The following RASL12 variants were observed in gnomAD, a reference collection of about 807,000 sequenced individuals.
The protein encoded by RASL12 is ras-like protein family member 12.
Under a neutral mutation model 22.9 loss-of-function variants are expected in RASL12, and 16 were observed. The ratio of observed to expected loss-of-function variants is 0.70; its 90% CI spans 0.47 to 1.06. The LOEUF (loss-of-function observed/expected upper bound fraction) is 1.06. Among genes scored for constraint, RASL12 ranks in the 50% least tolerant of loss-of-function variants. RASL12 has a pLI of 0.00. For missense variants in RASL12, 306 were observed against 353.1 expected (o/e 0.87, Z 1.07); for synonymous variants, 159 against 152.2 (o/e 1.04, Z -0.33).
upstream of RASL12, chr15:65,068,341 C>G (rs1240259556): frequency 1.0e-6 from 1 of 968,204 alleles, no homozygotes; most frequent in Admixed American, 6.2e-5. This position sits in a 1 kb window ranked among gnomAD's most constrained non-coding sequence, Gnocchi z 4.2. Context: ...AAGCCAGCCC[C>G]GCCTCCTCCT....
At chr15:65,046,027 C>T in the RASL12 span, among the ~76,000 whole-genome samples, 4 of 152,056 alleles carry the variant, frequency 2.6e-5, no homozygotes, top group African/African-American at 9.7e-5. Flanking sequence ...TGGCCGGGTG[C>T]GGTGGCTCAT....
intron 2 of RASL12, among the ~76,000 whole-genome samples, chr15:65,060,765 C>T (rs1346026267): frequency 6.6e-6 from 1 of 152,216 alleles, no homozygotes; most frequent in Non-Finnish European, 1.5e-5. Context: ...GGCACGCCCC[C>T]AACCCTGGCT....
At chr15:65,048,823 A>G (rs1436611397), downstream of RASL12, among the ~76,000 whole-genome samples, 1 of 152,162 alleles carries the variant, frequency 6.6e-6, no homozygotes, top group Non-Finnish European at 1.5e-5. Flanking sequence ...AGCCTGGCCA[A>G]CATGGTGAAA....
In RASL12 at chr15:65,067,825, AC is replaced by A; in HGVS notation, c.10del (p.Val4CysfsTer33). On this transcript the variant is annotated frameshift_variant, in exon 1 of 5. Coordinates refer to ENST00000220062, the MANE Select transcript of RASL12 (RefSeq NM_016563.4). LOFTEE classifies it high-confidence loss of function. Reference sequence around the variant, plus strand: ...GCTGCCCGCGCGGGGTTTTCCAAACACCGAGGACATGGCGACGCCCTGGACG... The same window carrying A: ...GCTGCCCGCGCGGGGTTTTCCAAACACGAGGACATGGCGACGCCCTGGACG... MSS[V>X]FGKPRAGSGP... 4 of 1,562,142 alleles carry A rather than the reference AC, an allele frequency of 2.6e-6. No homozygotes were observed. Among genetic ancestry groups the A allele is most frequent in the Non-Finnish European group, 3.5e-6 (4 of 1,158,226 alleles).
chr15:65,070,040 C>A (rs752619492), upstream of RASL12, among the ~76,000 whole-genome samples: 14 of 152,220 alleles, frequency 9.2e-5, no homozygotes, highest in Non-Finnish European at 1.9e-4. Context: ...CCTTCTGGGT[C>A]TCTGTTCCTC....
Position 65,055,072 on chromosome 15 carries a change from G to C in RASL12, c.628C>G (p.Leu210Val). ...CTGGCCAGCCCATGCCGCGCGGTGAGCGGGGCCTGGTGGGGCAGGGCCCTC... is the reference window on the plus strand; with the variant it reads ...CTGGCCAGCCCATGCCGCGCGGTGACCGGGGCCTGGTGGGGCAGGGCCCTC... ...EERALPHQAP[L>V]TARHGLASCT... is the part of the protein sequence containing the mutation. The change falls in exon 5 of 5, where the codon CTC (leucine) becomes GTC (valine). Residue 210 changes from leucine to valine, a missense_variant. Physicochemically the swap from Leu to Val is conservative, Grantham distance 32 (BLOSUM62 1). Coordinates refer to ENST00000220062, the MANE Select transcript of RASL12 (RefSeq NM_016563.4). The C allele has an allele frequency of 6.2e-7, 1 of 1,612,808 alleles. No homozygotes were observed. Among genetic ancestry groups the C allele is most frequent in the Non-Finnish European group, 8.5e-7 (1 of 1,179,570 alleles).
At chr15:65,074,009 C>T (rs1387349496) in intron 1 of RASL12, among the ~76,000 whole-genome samples, 1 of 152,214 alleles carries the variant, frequency 6.6e-6, no homozygotes, top group East Asian at 1.9e-4. Context: ...GAATTCCCAT[C>T]CCCATCCCAA....
At chr15:65,053,274 T>TTTTA (rs1402149158), downstream of RASL12, 6 of 1,450,594 alleles carry the variant, frequency 4.1e-6, no homozygotes, top group Non-Finnish European at 5.4e-6. Context: ...GCTTTTTTCT[T>TTTTA]TTTCTTTCTT....
intron 3 of RASL12, 140 bp from the exon 4 acceptor site, chr15:65,058,757 G>T (rs1171865782): frequency 1.6e-6 from 1 of 621,414 alleles, no homozygotes; most frequent in Admixed American, 3.6e-5. Context: ...AGGGGCACTT[G>T]AGTGTGGATT....
At chr15:65,065,989 C>T (rs1158534479) in intron 1 of RASL12, among the ~76,000 whole-genome samples, 27 of 149,364 alleles carry the variant, frequency 1.8e-4, no homozygotes, top group Admixed American at 3.4e-4. Flanking sequence ...AAGTAATGTT[C>T]GCTACTGCTT....
intron 4 of RASL12, among the ~76,000 whole-genome samples, chr15:65,055,602 C>A (rs146888617): frequency 4.6e-5 from 7 of 152,322 alleles, no homozygotes; most frequent in Non-Finnish European, 1.0e-4. Flanking sequence ...CTATGCTAGA[C>A]CCTGCCTGTG....
chr15:65,060,332 A>G (rs1387519415), intron 2 of RASL12, among the ~76,000 whole-genome samples: 1 of 152,158 alleles, frequency 6.6e-6, no homozygotes, highest in African/African-American at 2.4e-5. Context: ...ATAACTTTAG[A>G]CTGACATAGA....
downstream of RASL12, chr15:65,049,291 C>T (rs2086616219): frequency 6.7e-6 from 1 of 148,234 alleles, no homozygotes; most frequent in South Asian, 2.1e-4. Flanking sequence ...AAGTTCTTCC[C>T]TTGCAAATAA....
Position 65,067,785 on chromosome 15 carries a change from C to A in RASL12, c.51G>T (p.Ala17=), listed in dbSNP as rs750551997. ...GGATGGCCAGGTTGACCTCGAGGGG[C>A]GCGCTCTGAGGCCCGCTGCCCGCGC... ...KPRAGSGPQS[A]PLEVNLAILG... is the part of the protein sequence containing the mutation. Residue 17 remains alanine (A), a synonymous_variant, in exon 1 of 5, where the codon GCG becomes GCT. Transcript: ENST00000220062. 1.3e-6 allele frequency: 2 copies of A among 1,581,612 alleles called. No homozygotes were observed. Among genetic ancestry groups the A allele is most frequent in the African/African-American group, 1.4e-5 (1 of 72,242 alleles).
chr15:65,075,346 C>A (rs570125588), intron 1 of RASL12, among the ~76,000 whole-genome samples: 43 of 152,340 alleles, frequency 2.8e-4, no homozygotes, highest in South Asian at 1.0e-3. Flanking sequence ...GCCTCCCCGA[C>A]GAGCACTACC....
At chr15:65,066,791 T>C (rs1235219867) in intron 1 of RASL12, among the ~76,000 whole-genome samples, 3 of 151,430 alleles carry the variant, frequency 2.0e-5, no homozygotes, top group Non-Finnish European at 2.9e-5. Flanking sequence ...AATCAGAGAG[T>C]AGGCCCCCAG....
At chr15:65,053,104 G>T (rs1460147449), downstream of RASL12, 1 of 1,614,192 alleles carries the variant, frequency 6.2e-7, no homozygotes, top group Non-Finnish European at 8.5e-7. Flanking sequence ...TGGAACTTGA[G>T]TTAAAAGAGA....
upstream of RASL12, chr15:65,068,054 A>G (rs1005339666): frequency 1.8e-6 from 2 of 1,101,424 alleles, no homozygotes; most frequent in Non-Finnish European, 2.2e-6. The surrounding 1 kb of genome is among the most constrained non-coding windows in gnomAD (Gnocchi z 4.2). Flanking sequence ...AAGCGCCACC[A>G]AATTCCTTGT....
chr15:65,060,421 A>G (rs1212391762), intron 2 of RASL12, among the ~76,000 whole-genome samples: 2 of 152,252 alleles, frequency 1.3e-5, no homozygotes, highest in African/African-American at 2.4e-5. Flanking sequence ...CCATAGCCCA[A>G]TGAGCAAAAA....
Sources: gnomAD v4.1 joint callset for allele counts (sites outside exome capture counted in the v4.1 genomes callset) on GRCh38, gnomAD v4.1.1 for gene constraint, Gnocchi (gnomAD v3.1) non-coding constraint, MANE v1.5 for transcripts, NCBI Gene and HGNC (gene_info 2026-07-23, HGNC 2026-07-21) for gene names.